The following GPC5 variants were observed in gnomAD, a reference collection of about 807,000 sequenced individuals.
GPC5 encodes the protein glypican-5.
GPC5 carries 47 observed loss-of-function variants against 53.9 expected under a neutral mutation model. The observed-to-expected ratio is 0.87, with a 90% CI of 0.69 to 1.11. The LOEUF is 1.11. Ranked by LOEUF, GPC5 falls within the 50% of genes most tolerant of loss-of-function variation. The probability of loss-of-function intolerance (pLI) is 0.00; values close to 1 mark genes in which losing one functional copy is unlikely to be tolerated. For missense variants in GPC5, 748 were observed against 713.1 expected (o/e 1.05, Z -0.56); for synonymous variants, 286 against 263.3 (o/e 1.09, Z -0.84).
chr13:92,459,837 C>T (rs1451008128), intron 7 of GPC5, among the ~76,000 whole-genome samples: 1 of 152,018 alleles, frequency 6.6e-6, no homozygotes, highest in Non-Finnish European at 1.5e-5. Context: ...CTTAAAACAT[C>T]TAATTAGCTC....
intron 7 of GPC5, among the ~76,000 whole-genome samples, chr13:92,398,101 C>A (rs994989676): frequency 1.3e-5 from 2 of 151,908 alleles, no homozygotes; most frequent in African/African-American, 2.4e-5. Flanking sequence ...TACAACGTGG[C>A]CTGATGCAAG....
At chr13:92,548,021 A>G (rs866289728) in intron 7 of GPC5, among the ~76,000 whole-genome samples, 3 of 127,022 alleles carry the variant, frequency 2.4e-5, no homozygotes, top group Non-Finnish European at 5.3e-5. Context: ...TTGTATTTTT[A>G]GTAGAGACGG....
At chr13:92,628,105 A>C (rs2139126222) in intron 7 of GPC5, among the ~76,000 whole-genome samples, 1 of 152,182 alleles carries the variant, frequency 6.6e-6, no homozygotes, top group South Asian at 2.1e-4. Flanking sequence ...GTAAGTGCTA[A>C]GTAAAGGAGA....
intron 1 of GPC5, among the ~76,000 whole-genome samples, chr13:91,447,336 T>A (rs1361571605): frequency 6.6e-6 from 1 of 152,152 alleles, no homozygotes; most frequent in African/African-American, 2.4e-5. Flanking sequence ...TAGCTTTTTT[T>A]TTTTTTTCAA....
intron 7 of GPC5, among the ~76,000 whole-genome samples, chr13:92,841,429 A>C (rs1878426249): frequency 6.6e-6 from 1 of 152,160 alleles, no homozygotes; most frequent in African/African-American, 2.4e-5. Context: ...CTACTTCATT[A>C]GTATATTTTT....
At chr13:92,684,018 A>G (rs1887181454) in intron 7 of GPC5, among the ~76,000 whole-genome samples, 1 of 152,158 alleles carries the variant, frequency 6.6e-6, no homozygotes, top group Admixed American at 6.6e-5. Context: ...ACAATATTAC[A>G]CAGAATAATA....
intron 2 of GPC5, among the ~76,000 whole-genome samples, chr13:91,689,562 C>T (rs2035709687): frequency 6.6e-6 from 1 of 150,946 alleles, no homozygotes; most frequent in Admixed American, 6.6e-5. Flanking sequence ...ACTCATTGTA[C>T]AAAAATGTTT....
intron 5 of GPC5, among the ~76,000 whole-genome samples, chr13:91,817,536 A>G (rs547786950): frequency 1.3e-5 from 2 of 152,290 alleles, no homozygotes; most frequent in Admixed American, 6.5e-5. Flanking sequence ...AATCCATGAT[A>G]CCAGTTTTTG....
intron 7 of GPC5, among the ~76,000 whole-genome samples, chr13:92,585,174 C>T (rs1348297289): frequency 6.6e-6 from 1 of 152,050 alleles, no homozygotes; most frequent in Non-Finnish European, 1.5e-5. Context: ...GATCCACTGT[C>T]AGCTTGTACC....
chr13:92,519,610 C>G (rs555003726), intron 7 of GPC5, among the ~76,000 whole-genome samples: 9 of 152,326 alleles, frequency 5.9e-5, no homozygotes, highest in African/African-American at 2.2e-4. Context: ...ACCAGAATCT[C>G]TGGGGCACAT....
chr13:92,764,321 G>A (rs1396183784), intron 7 of GPC5, among the ~76,000 whole-genome samples: 6 of 152,182 alleles, frequency 3.9e-5, no homozygotes, highest in Admixed American at 1.3e-4. Context: ...CAGATGCTAC[G>A]ACTACTTGCC....
chr13:92,565,647 G>T (rs906656570), intron 7 of GPC5, among the ~76,000 whole-genome samples: 1 of 152,020 alleles, frequency 6.6e-6, no homozygotes, highest in Non-Finnish European at 1.5e-5. Flanking sequence ...AACTTGGTTA[G>T]AGCACAGAGT....
intron 7 of GPC5, among the ~76,000 whole-genome samples, chr13:92,702,194 G>C (rs536883649): frequency 6.6e-6 from 1 of 152,144 alleles, no homozygotes; most frequent in African/African-American, 2.4e-5. Context: ...AATCCATAGA[G>C]TTTCATCCAC....
chr13:92,596,597 C>T (rs944892216), intron 7 of GPC5, among the ~76,000 whole-genome samples: 32 of 152,008 alleles, frequency 2.1e-4, no homozygotes, highest in Admixed American at 2.6e-4. Flanking sequence ...CCTCAGCCTC[C>T]CAAGTAGCTG....
intron 7 of GPC5, among the ~76,000 whole-genome samples, chr13:92,171,160 C>T (rs1301556980): frequency 1.3e-5 from 2 of 152,102 alleles, no homozygotes; most frequent in Non-Finnish European, 2.9e-5. Flanking sequence ...TTCCTCTTTT[C>T]CTTTTGCTGG....
chr13:92,054,422 T>A (rs1374988387), intron 6 of GPC5, among the ~76,000 whole-genome samples: 1 of 152,174 alleles, frequency 6.6e-6, no homozygotes, highest in Non-Finnish European at 1.5e-5. Flanking sequence ...CATTTATTGA[T>A]CATTTACTGT....
At chr13:92,119,735 A>T (rs1393419592) in intron 6 of GPC5, among the ~76,000 whole-genome samples, 1 of 151,414 alleles carries the variant, frequency 6.6e-6, no homozygotes, top group Non-Finnish European at 1.5e-5. Context: ...ATCTGAATTA[A>T]TTTTTCCACA....
intron 1 of GPC5, among the ~76,000 whole-genome samples, chr13:91,425,923 G>A (rs1209660856): frequency 6.6e-6 from 1 of 152,130 alleles, no homozygotes; most frequent in Admixed American, 6.5e-5. Context: ...CTAGGCTAAG[G>A]TGGTCTTAGA....
intron 7 of GPC5, among the ~76,000 whole-genome samples, chr13:92,846,723 TG>T (rs1411634848): frequency 6.6e-6 from 1 of 152,220 alleles, no homozygotes; most frequent in Non-Finnish European, 1.5e-5. Context: ...ACAATAAATT[TG>T]TTTTGACCAA....
Sources: gnomAD v4.1 joint callset for allele counts (sites outside exome capture counted in the v4.1 genomes callset) on GRCh38, gnomAD v4.1.1 for gene constraint, MANE v1.5 for transcripts, NCBI Gene and HGNC (gene_info 2026-07-23, HGNC 2026-07-21) for gene names.